PSD3: variants seen among roughly 807,000 people sequenced by gnomAD.
The protein encoded by PSD3 is pleckstrin and Sec7 domain containing 3, also known as PH and SEC7 domain-containing protein 3.
In PSD3, 49 loss-of-function variants were observed where a neutral mutation model predicts 105.5. The ratio of observed to expected loss-of-function variants is 0.46; its 90% CI spans 0.37 to 0.59. The LOEUF (loss-of-function observed/expected upper bound fraction) is 0.59, where lower values mean the gene tolerates loss of function less well. Among genes scored for constraint, PSD3 ranks in the 20% least tolerant of loss-of-function variants. The probability of loss-of-function intolerance (pLI) is 0.00; values close to 1 mark genes in which losing one functional copy is unlikely to be tolerated. For synonymous variants in PSD3, 557 were observed against 457.8 expected (o/e 1.22, Z -2.77); for missense variants, 1,561 against 1,263.8 (o/e 1.24, Z -3.57).
chr8:18,545,442 T>A (rs567249225), intron 15 of PSD3, among the ~76,000 whole-genome samples: 1 of 152,178 alleles, frequency 6.6e-6, no homozygotes, highest in African/African-American at 2.4e-5. Flanking sequence ...CTGATTTGAT[T>A]AATGGGATTA....
At chr8:18,910,617 C>A in intron 2 of PSD3, among the ~76,000 whole-genome samples, 1 of 105,956 alleles carries the variant, frequency 9.4e-6, no homozygotes, top group Non-Finnish European at 1.8e-5. Flanking sequence ...TGCACATGTA[C>A]CCTAAAACTT....
chr8:18,815,536 C>T (rs1374144250), intron 4 of PSD3, among the ~76,000 whole-genome samples: 1 of 152,124 alleles, frequency 6.6e-6, no homozygotes, highest in East Asian at 1.9e-4. Flanking sequence ...GTCTCGAACT[C>T]CTGGCCTCAA....
intron 1 of PSD3, among the ~76,000 whole-genome samples, chr8:19,078,454 G>C (rs1287659843): frequency 6.6e-6 from 1 of 152,040 alleles, no homozygotes; most frequent in East Asian, 1.9e-4. Flanking sequence ...AGCTCAGATA[G>C]AATACTTAAA....
intron 14 of PSD3, among the ~76,000 whole-genome samples, chr8:18,560,028 TC>T (rs547274522): frequency 1.2e-4 from 19 of 152,318 alleles, no homozygotes; most frequent in African/African-American, 4.6e-4. Flanking sequence ...TAAAGTAAGC[TC>T]AAAATAAAGC....
At chr8:19,026,765 T>A (rs999426414) in intron 1 of PSD3, among the ~76,000 whole-genome samples, 3 of 150,386 alleles carry the variant, frequency 2.0e-5, no homozygotes, top group Non-Finnish European at 4.4e-5. Flanking sequence ...CCCAGCTACT[T>A]GGGAGGCTGA....
At chr8:18,850,264 T>G (rs116082367) in intron 4 of PSD3, among the ~76,000 whole-genome samples, 104 of 152,336 alleles carry the variant, frequency 6.8e-4, no homozygotes, top group African/African-American at 2.3e-3. Flanking sequence ...TGAAAGATAT[T>G]CATTCTCCAT....
chr8:19,052,408 G>A (rs1828560433), intron 1 of PSD3, among the ~76,000 whole-genome samples: 1 of 151,194 alleles, frequency 6.6e-6, no homozygotes, highest in Admixed American at 6.6e-5. Context: ...GGAGGCAGAG[G>A]TTGCAGTGAG....
chr8:18,935,971 T>C (rs1215575070), intron 2 of PSD3, 63 bp downstream of exon 2: 10 of 1,065,440 alleles, frequency 9.4e-6, no homozygotes, highest in Admixed American at 1.9e-5. Flanking sequence ...TGGAGAAAAA[T>C]CACTTTGAAA....
chr8:18,874,334 G>A (rs938930485), intron 2 of PSD3, among the ~76,000 whole-genome samples: 1 of 151,456 alleles, frequency 6.6e-6, no homozygotes. Flanking sequence ...GCTAATTTTT[G>A]TTTTTTGTTT....
At chr8:18,912,893 A>T (rs1478869063) in intron 2 of PSD3, among the ~76,000 whole-genome samples, 1 of 152,146 alleles carries the variant, frequency 6.6e-6, no homozygotes, top group African/African-American at 2.4e-5. Context: ...AGAAACAGTT[A>T]CCATGCTGTC....
intron 14 of PSD3, among the ~76,000 whole-genome samples, chr8:18,565,282 C>G (rs1801665355): frequency 6.6e-6 from 1 of 151,854 alleles, no homozygotes; most frequent in African/African-American, 2.4e-5. Flanking sequence ...ACAGGGCCGG[C>G]CATGCATTTC....
At chr8:19,068,544 G>T (rs1829152080) in intron 1 of PSD3, among the ~76,000 whole-genome samples, 1 of 152,016 alleles carries the variant, frequency 6.6e-6, no homozygotes. Context: ...TTCCCCCTCG[G>T]CCTCCCAAGG....
At chr8:18,540,539 A>G (rs1800097650) in intron 15 of PSD3, among the ~76,000 whole-genome samples, 1 of 152,114 alleles carries the variant, frequency 6.6e-6, no homozygotes, top group Non-Finnish European at 1.5e-5. Flanking sequence ...TTTTTCTCTA[A>G]TGTCTCACAT....
At chr8:18,907,659 T>A (rs1374336666) in intron 2 of PSD3, among the ~76,000 whole-genome samples, 1 of 152,196 alleles carries the variant, frequency 6.6e-6, no homozygotes, top group Non-Finnish European at 1.5e-5. Flanking sequence ...TACCATATAA[T>A]CTAGGTTTCT....
intron 13 of PSD3, among the ~76,000 whole-genome samples, chr8:18,574,718 G>C (rs1008280978): frequency 6.6e-6 from 1 of 152,184 alleles, no homozygotes; most frequent in African/African-American, 2.4e-5. Context: ...AACTCTGTAA[G>C]ATAAACGTTA....
chr8:18,611,453 C>T (rs1301623572), intron 11 of PSD3, among the ~76,000 whole-genome samples: 4 of 151,994 alleles, frequency 2.6e-5, no homozygotes, highest in African/African-American at 4.8e-5. Context: ...ATTTTAGAAC[C>T]AGAGAACCTG....
intron 4 of PSD3, among the ~76,000 whole-genome samples, chr8:18,828,045 A>ATG (rs566093553): frequency 0.035 from 4,356 of 125,950 alleles, 75 homozygotes; most frequent in African/African-American, 0.057. Flanking sequence ...TAATATATAT[A>ATG]TGTATATATA....
chr8:18,812,751 C>T (rs570649060), intron 4 of PSD3, among the ~76,000 whole-genome samples: 136 of 152,240 alleles, frequency 8.9e-4, no homozygotes, highest in Admixed American at 2.7e-3. Context: ...TGTGAGGACA[C>T]GTGGAGATTT....
intron 8 of PSD3, among the ~76,000 whole-genome samples, chr8:18,790,611 C>G (rs1461450919): frequency 6.6e-6 from 1 of 152,002 alleles, no homozygotes; most frequent in Non-Finnish European, 1.5e-5. Flanking sequence ...CAACATTCTT[C>G]TATAAAAACA....
Sources: gnomAD v4.1 joint callset for allele counts (sites outside exome capture counted in the v4.1 genomes callset) on GRCh38, gnomAD v4.1.1 for gene constraint, MANE v1.5 for transcripts, NCBI Gene and HGNC (gene_info 2026-07-23, HGNC 2026-07-21) for gene names.